Variants in ITGB3 observed in about 807,000 individuals in gnomAD.
ITGB3 encodes the protein integrin subunit beta 3.
Under a neutral mutation model 85.8 loss-of-function variants are expected in ITGB3, and 48 were observed. The observed-to-expected ratio is 0.56, with a 90% CI of 0.44 to 0.71. The LOEUF (loss-of-function observed/expected upper bound fraction) is 0.71, where lower values mean the gene tolerates loss of function less well. Ranked by LOEUF, ITGB3 falls within the 30% of genes least tolerant of loss-of-function variation. ITGB3 has a pLI of 0.00. For missense variants in ITGB3, 861 were observed against 1,019.1 expected, an observed-to-expected ratio of 0.84 and a Z score of 2.11; for synonymous variants, 363 against 395.6, an observed-to-expected ratio of 0.92 and a Z score of 0.98.
chr17:47,275,763 G>C (rs1043163785), intron 2 of ITGB3, among the ~76,000 whole-genome samples: 1 of 152,220 alleles, frequency 6.6e-6, no homozygotes, highest in Non-Finnish European at 1.5e-5. Flanking sequence ...CGTTCAGCAC[G>C]GGAACTGCTT....
chr17:47,285,299 T>G (rs1226634250), intron 4 of ITGB3, among the ~76,000 whole-genome samples: 1 of 152,116 alleles, frequency 6.6e-6, no homozygotes, highest in Non-Finnish European at 1.5e-5. Flanking sequence ...CCTGAAAAGG[T>G]GTGAATTTAC....
chr17:47,300,348 T>C lies in ITGB3; in HGVS notation c.1914-130T>C, dbSNP rs12602240. 7.2e-3 allele frequency: 2,824 copies of C among 393,938 alleles called. 21 individuals carry two copies. The highest frequency in any genetic ancestry group is 0.064 in the African/African-American group (1,699 of 26,710). The allele number at this position is 393,938 out of a possible 1,614,324, so 24.4% of individuals were successfully genotyped here. ...ATTGTCTTACAGGCGCGCGCGCGCG[T>C]GTGTGTGTGTGTGTGTGTGTTTTAA... On this transcript the variant is annotated intron_variant, in intron 11 of 14. Coordinates refer to ENST00000559488, the MANE Select transcript of ITGB3 (RefSeq NM_000212.3).
At chr17:47,254,931 A>G (rs954398824) in intron 1 of ITGB3, among the ~76,000 whole-genome samples, 2 of 152,040 alleles carry the variant, frequency 1.3e-5, no homozygotes, top group Admixed American at 6.6e-5. Flanking sequence ...TCGTAAAACA[A>G]TCTACACCCT....
chr17:47,257,868 CAG>C (rs2064995763), intron 1 of ITGB3, among the ~76,000 whole-genome samples: 1 of 152,126 alleles, frequency 6.6e-6, no homozygotes, highest in African/African-American at 2.4e-5. Flanking sequence ...TGAGGAGTGA[CAG>C]AGGTCTCCTG....
At chr17:47,270,000 G>C (rs1598682373) in intron 1 of ITGB3, among the ~76,000 whole-genome samples, 1 of 152,180 alleles carries the variant, frequency 6.6e-6, no homozygotes, top group East Asian at 1.9e-4. Context: ...TCACATGGTG[G>C]CAGGATGGAG....
chr17:47,257,434 A>C (rs2064994411), intron 1 of ITGB3, among the ~76,000 whole-genome samples: 1 of 152,224 alleles, frequency 6.6e-6, no homozygotes. Flanking sequence ...GGAAGATAAA[A>C]GGATCTATAA....
In ITGB3 at chr17:47,285,486, A is replaced by G. The variant is rs555597698; in HGVS notation, c.615-774A>G. ...AAAAATTAGCTATGTGTGATGGCGCATGCCTGCAGTCCCCAGGACTACAGG... is the reference window on the plus strand; with the variant it reads ...AAAAATTAGCTATGTGTGATGGCGCGTGCCTGCAGTCCCCAGGACTACAGG... On this transcript the variant is annotated intron_variant, in intron 4 of 14. Coordinates refer to ENST00000559488, the MANE Select transcript of ITGB3 (RefSeq NM_000212.3). Among the ~76,000 whole-genome samples, 5 of 152,214 alleles carry G rather than the reference A, an allele frequency of 3.3e-5. No individual in the cohort carries two copies. The South Asian group carries it at 8.3e-4, about 25-fold the overall frequency.
At chr17:47,288,052 C>T (rs1240285988) in intron 6 of ITGB3, among the ~76,000 whole-genome samples, 1 of 150,058 alleles carries the variant, frequency 6.7e-6, no homozygotes, top group South Asian at 2.1e-4. Flanking sequence ...GCATGCACTA[C>T]CATGCCCAGC....
At chr17:47,287,755 CA>C (rs2048315310) in intron 6 of ITGB3, among the ~76,000 whole-genome samples, 1 of 151,872 alleles carries the variant, frequency 6.6e-6, no homozygotes, top group Non-Finnish European at 1.5e-5. Flanking sequence ...CAAGAAAATG[CA>C]AAAATTCGTT....
chr17:47,292,327 T>C lies in ITGB3; in HGVS notation c.1449T>C (p.Cys483=). ...RCNNGNGTFE[C]GVCRCGPGWL... Reference sequence around the variant, plus strand: ...ACAATGGCAATGGGACCTTTGAGTGTGGGGTATGCCGTTGTGGGCCTGGCT... The same window carrying C: ...ACAATGGCAATGGGACCTTTGAGTGCGGGGTATGCCGTTGTGGGCCTGGCT... Residue 483 remains cysteine (C), a synonymous_variant, in exon 10 of 15, where the codon TGT becomes TGC. Transcript: ENST00000559488. 1 of 1,614,174 alleles carries C rather than the reference T, an allele frequency of 6.2e-7. No individual in the cohort carries two copies. The highest frequency in any genetic ancestry group is 8.5e-7 in the Non-Finnish European group (1 of 1,180,018).
intron 2 of ITGB3, 113 bp downstream of exon 2, chr17:47,274,617 C>T: frequency 1.1e-6 from 1 of 880,714 alleles, no homozygotes; most frequent in South Asian, 1.3e-5. Flanking sequence ...CTTATCCCTT[C>T]TAAGCAAAAC....
At chr17:47,300,346 C>CGCTT (rs377375532) in intron 11 of ITGB3, 132 bp from the exon 12 acceptor site, 2 of 619,732 alleles carry the variant, frequency 3.2e-6, no homozygotes, top group South Asian at 3.2e-5. Flanking sequence ...CGCGCGCGCG[C>CGCTT]GTGTGTGTGT....
intron 3 of ITGB3, among the ~76,000 whole-genome samples, chr17:47,284,157 T>C (rs1177672728): frequency 6.6e-6 from 1 of 152,184 alleles, no homozygotes; most frequent in African/African-American, 2.4e-5. Flanking sequence ...GTGTAGTAAC[T>C]ATCAAAATCT....
At position 47,287,119 on chromosome 17, in the gene ITGB3, C is replaced by G; in HGVS notation, c.827C>G (p.Thr276Ser). 6.2e-7 allele frequency: 1 copy of G among 1,614,068 alleles called. No individual in the cohort carries two copies. Among genetic ancestry groups the G allele is most frequent in the Non-Finnish European group, 8.5e-7 (1 of 1,179,946 alleles). Residue 276 changes from threonine to serine, a missense_variant, in exon 6 of 15, where the codon ACT becomes AGT. By Grantham distance (58) the Thr-to-Ser change is moderately conservative. Coordinates refer to ENST00000559488, the MANE Select transcript of ITGB3 (RefSeq NM_000212.3). ...GCATCCCACTTGCTGGTGTTTACCACTGATGCCAAGACTCATATAGCATTG... is the reference window on the plus strand; with the variant it reads ...GCATCCCACTTGCTGGTGTTTACCAGTGATGCCAAGACTCATATAGCATTG... ...NDASHLLVFT[T>S]DAKTHIALDG...
At chr17:47,291,895 T>C (rs2065127154) in intron 9 of ITGB3, among the ~76,000 whole-genome samples, 1 of 152,214 alleles carries the variant, frequency 6.6e-6, no homozygotes, top group African/African-American at 2.4e-5. Context: ...CTTTTATTAT[T>C]TATTGACTGT....
Position 47,283,563 on chromosome 17 carries a change from T to C in ITGB3, c.361+14T>C. 1 of 1,613,716 alleles carries C rather than the reference T, an allele frequency of 6.2e-7. No individual in the cohort carries two copies. Among genetic ancestry groups the C allele is most frequent in the Non-Finnish European group, 8.5e-7 (1 of 1,179,704 alleles). On this transcript the variant is annotated intron_variant, in intron 3 of 14. Transcript: ENST00000559488. ...GGCTCCGGCCAGGTAGGGCTGGGAC[T>C]CTTTGCGGGGAGAGACCTGAAGCAG...
chr17:47,255,422 T>TTTTG (rs936707341), intron 1 of ITGB3, among the ~76,000 whole-genome samples: 9 of 152,080 alleles, frequency 5.9e-5, no homozygotes, highest in South Asian at 2.1e-4. Context: ...GGATATCTTT[T>TTTTG]TTTGTTTGTT....
intron 10 of ITGB3, among the ~76,000 whole-genome samples, chr17:47,294,058 G>A (rs935495468): frequency 6.6e-6 from 1 of 152,100 alleles, no homozygotes; most frequent in Admixed American, 6.6e-5. Context: ...TATTATCTAC[G>A]ACATTGTTTC....
At chr17:47,302,115 A>G (rs915869635) in intron 12 of ITGB3, among the ~76,000 whole-genome samples, 1 of 152,158 alleles carries the variant, frequency 6.6e-6, no homozygotes, top group Non-Finnish European at 1.5e-5. Flanking sequence ...TTGCAGAATA[A>G]CAAACTTTAG....
Sources: gnomAD v4.1 joint callset for allele counts (sites outside exome capture counted in the v4.1 genomes callset) on GRCh38, gnomAD v4.1.1 for gene constraint, MANE v1.5 for transcripts, NCBI Gene and HGNC (gene_info 2026-07-23, HGNC 2026-07-21) for gene names.